Variants in TLL1 observed in about 807,000 individuals in gnomAD.
TLL1 encodes the protein tolloid like 1, also known as tolloid-like protein 1.
A neutral mutation model predicts 128.2 loss-of-function variants in TLL1; 49 were observed. The ratio of observed to expected loss-of-function variants is 0.38; its 90% CI spans 0.30 to 0.48. The LOEUF is 0.48. Ranked by LOEUF, TLL1 falls within the 20% of genes least tolerant of loss-of-function variation. The pLI is 0.96. For synonymous variants in TLL1, 454 were observed against 418.8 expected (o/e 1.08, Z -1.03); for missense variants, 1,123 against 1,242.0 (o/e 0.90, Z 1.44).
At chr4:165,942,280 T>C (rs544861128) in intron 1 of TLL1, among the ~76,000 whole-genome samples, 32 of 151,972 alleles carry the variant, frequency 2.1e-4, no homozygotes, top group African/African-American at 7.2e-4. Flanking sequence ...CCCTCCTTTT[T>C]TTTTTTTTCT....
chr4:165,999,470 G>A (rs1301049804), intron 5 of TLL1, among the ~76,000 whole-genome samples: 2 of 152,134 alleles, frequency 1.3e-5, no homozygotes, highest in South Asian at 2.1e-4. Context: ...ATCAGATTTC[G>A]TGAGAACTCC....
chr4:166,055,299 G>T, intron 13 of TLL1, 28 bp downstream of exon 13: 1 of 1,594,982 alleles, frequency 6.3e-7, no homozygotes, highest in South Asian at 1.1e-5. Context: ...TCAAACGTGA[G>T]ATTTTCTTTA....
intron 1 of TLL1, among the ~76,000 whole-genome samples, chr4:165,975,098 A>G (rs910075329): frequency 6.6e-6 from 1 of 152,166 alleles, no homozygotes; most frequent in African/African-American, 2.4e-5. Flanking sequence ...CTACGCCCTT[A>G]TATACCCTTC....
rs147773381 is a variant in TLL1, at chr4:165,972,819, G to C, written c.170-16562G>C. Among the ~76,000 whole-genome samples the C allele has an allele frequency of 1.5e-4, 23 of 152,176 alleles. No individual in the cohort carries two copies. In the East Asian group the frequency reaches 4.1e-3, roughly 27 times the overall value. On this transcript the variant is annotated intron_variant, in intron 1 of 20. Coordinates refer to ENST00000061240, the MANE Select transcript of TLL1 (RefSeq NM_012464.5). The stretch of plus-strand genomic sequence containing the variant: ...ATACCACCTTCTACCATCAGTCTTG[G>C]CCTTCAGAGGAACATCAAGTCTGAA...
At chr4:166,007,223 A>C (rs919953806) in intron 6 of TLL1, among the ~76,000 whole-genome samples, 2 of 151,716 alleles carry the variant, frequency 1.3e-5, no homozygotes, top group Non-Finnish European at 3.0e-5. Flanking sequence ...TCGAGAAATA[A>C]TACTACAATA....
intron 18 of TLL1, among the ~76,000 whole-genome samples, chr4:166,090,790 T>G (rs1741733861): frequency 6.6e-6 from 1 of 152,048 alleles, no homozygotes; most frequent in African/African-American, 2.4e-5. Flanking sequence ...TTAATATGAT[T>G]GTTTGAAATT....
intron 1 of TLL1, among the ~76,000 whole-genome samples, chr4:165,908,815 C>G (rs1305026708): frequency 2.0e-5 from 3 of 151,980 alleles, no homozygotes; most frequent in African/African-American, 7.3e-5. Context: ...TGGCACAGGC[C>G]AAAGTGTTAG....
chr4:165,969,639 T>C (rs1235005863), intron 1 of TLL1, among the ~76,000 whole-genome samples: 1 of 151,998 alleles, frequency 6.6e-6, no homozygotes, highest in African/African-American at 2.4e-5. Context: ...GGTTGTGGGG[T>C]TTTTTGGTTA....
intron 1 of TLL1, among the ~76,000 whole-genome samples, chr4:165,967,897 G>A (rs1179003835): frequency 6.6e-6 from 1 of 152,208 alleles, no homozygotes; most frequent in African/African-American, 2.4e-5. Context: ...TATATTGAGT[G>A]TATCCTTTAT....
intron 1 of TLL1, among the ~76,000 whole-genome samples, chr4:165,924,496 G>A (rs1464671858): frequency 6.6e-6 from 1 of 152,222 alleles, no homozygotes; most frequent in Admixed American, 6.5e-5. Context: ...TGAAGGCTGA[G>A]TGAGGTGAGG....
chr4:165,886,819 T>C (rs55712176), intron 1 of TLL1, among the ~76,000 whole-genome samples: 1,804 of 152,302 alleles, frequency 0.012, 32 homozygotes, highest in African/African-American at 0.04. Context: ...TCTGTGGATA[T>C]GGAGGGCTGA....
rs537168606 is a variant in TLL1, at chr4:165,881,441, T to C, written c.169+7368T>C. ...TCTATATTTCTGATGACTTTCCTTTTTCAAATTTCTCACACTTGGCTCTGC... is the reference window on the plus strand; with the variant it reads ...TCTATATTTCTGATGACTTTCCTTTCTCAAATTTCTCACACTTGGCTCTGC... On this transcript the variant is annotated intron_variant, in intron 1 of 20. Coordinates refer to ENST00000061240, the MANE Select transcript of TLL1 (RefSeq NM_012464.5). Among the ~76,000 whole-genome samples, 13 of 152,372 alleles carry C rather than the reference T, an allele frequency of 8.5e-5. No homozygotes were observed. The South Asian group carries it at 1.9e-3, about 22-fold the overall frequency.
intron 1 of TLL1, among the ~76,000 whole-genome samples, chr4:165,953,457 C>T (rs1005528948): frequency 1.3e-5 from 2 of 151,596 alleles, no homozygotes; most frequent in African/African-American, 4.8e-5. Flanking sequence ...GTTCTCTTGA[C>T]GGAGCATCTA....
rs199743746 is a variant in TLL1, at chr4:165,873,848, G to T, written c.-57G>T. The T allele has an allele frequency of 2.5e-6, 4 of 1,605,826 alleles. No individual in the cohort carries two copies. The highest frequency in any genetic ancestry group is 3.4e-6 in the Non-Finnish European group (4 of 1,174,854). ...GCCCCTAGCCCCGCACATCAGCGCG[G>T]ACCGCGGCTGCCTAACCTCTGGGTC... On this transcript the variant is annotated 5_prime_UTR_variant, in exon 1 of 21. Coordinates refer to ENST00000061240, the MANE Select transcript of TLL1 (RefSeq NM_012464.5).
chr4:166,050,309 A>T (rs1463686633), intron 12 of TLL1, among the ~76,000 whole-genome samples: 1 of 152,104 alleles, frequency 6.6e-6, no homozygotes, highest in Non-Finnish European at 1.5e-5. Flanking sequence ...ATTCCATTGT[A>T]TGTGTATACC....
chr4:165,964,529 G>C (rs745657014), intron 1 of TLL1, among the ~76,000 whole-genome samples: 1 of 152,144 alleles, frequency 6.6e-6, no homozygotes, highest in Non-Finnish European at 1.5e-5. Flanking sequence ...TGTTTGAGAT[G>C]TAACTCTGGA....
At chr4:165,909,588 G>C (rs1240923619) in intron 1 of TLL1, among the ~76,000 whole-genome samples, 3 of 152,176 alleles carry the variant, frequency 2.0e-5, no homozygotes, top group African/African-American at 7.2e-5. Flanking sequence ...TTTAGAATGA[G>C]CTGAAGTGAG....
chr4:165,903,997 G>A (rs765130685), intron 1 of TLL1, among the ~76,000 whole-genome samples: 7 of 151,940 alleles, frequency 4.6e-5, no homozygotes, highest in East Asian at 1.9e-4. Flanking sequence ...TATATTATAC[G>A]TTTAACAAAC....
intron 19 of TLL1, among the ~76,000 whole-genome samples, chr4:166,097,943 A>T (rs1219374505): frequency 6.6e-6 from 1 of 152,076 alleles, no homozygotes; most frequent in Non-Finnish European, 1.5e-5. Context: ...TTCATATCCC[A>T]TTCTTTTATC....
Sources: allele counts gnomAD v4.1 joint callset (sites outside exome capture counted in the v4.1 genomes callset), GRCh38; gene constraint gnomAD v4.1.1; transcripts MANE v1.5; gene names NCBI Gene and HGNC (gene_info 2026-07-23, HGNC 2026-07-21).